LRRTM4: variants seen among roughly 807,000 people sequenced by gnomAD.
LRRTM4 encodes leucine rich repeat transmembrane neuronal 4.
LRRTM4 carries 25 observed loss-of-function variants against 47.6 expected under a neutral mutation model. That is an observed-to-expected ratio of 0.53 (90% CI 0.38 to 0.73). The LOEUF (loss-of-function observed/expected upper bound fraction) is 0.73. Ranked by LOEUF, LRRTM4 falls within the 30% of genes least tolerant of loss-of-function variation. The probability of loss-of-function intolerance (pLI) is 0.00; values close to 1 mark genes in which losing one functional copy is unlikely to be tolerated. For synonymous variants in LRRTM4, 311 were observed against 269.5 expected, an observed-to-expected ratio of 1.15 and a Z score of -1.51; for missense variants, 638 against 713.4, an observed-to-expected ratio of 0.89 and a Z score of 1.20.
chr2:76,780,149 T>C (rs1377189318), intron 3 of LRRTM4, among the ~76,000 whole-genome samples: 1 of 152,212 alleles, frequency 6.6e-6, no homozygotes, highest in African/African-American at 2.4e-5. Context: ...TCTGATGGGC[T>C]TCCCTTTGAG....
chr2:76,868,998 T>C (rs13398751), intron 3 of LRRTM4, among the ~76,000 whole-genome samples: 25,450 of 151,918 alleles, frequency 0.17, 2,767 homozygotes, highest in East Asian at 0.48. Flanking sequence ...TCTGGGGTTT[T>C]GTGTTTTAAA....
chr2:77,498,233 T>C (rs10193069), intron 3 of LRRTM4, among the ~76,000 whole-genome samples: 6,497 of 151,876 alleles, frequency 0.043, 478 homozygotes, highest in African/African-American at 0.15. Flanking sequence ...TTTAACCATA[T>C]CTCTCCCATA....
chr2:76,956,106 A>T (rs77818076), intron 3 of LRRTM4, among the ~76,000 whole-genome samples: 1 of 151,650 alleles, frequency 6.6e-6, no homozygotes, highest in Non-Finnish European at 1.5e-5. Context: ...AACACACATT[A>T]GTCAAAAGTG....
At chr2:76,910,642 G>T (rs934357937) in intron 3 of LRRTM4, among the ~76,000 whole-genome samples, 2 of 151,924 alleles carry the variant, frequency 1.3e-5, no homozygotes, top group African/African-American at 2.4e-5. Context: ...TTTTATTCAC[G>T]ACCATAAATA....
At chr2:76,786,580 C>A (rs1674685901) in intron 3 of LRRTM4, among the ~76,000 whole-genome samples, 1 of 151,928 alleles carries the variant, frequency 6.6e-6, no homozygotes, top group South Asian at 2.1e-4. Context: ...CCTACATTAA[C>A]AAACAGAGGA....
intron 3 of LRRTM4, among the ~76,000 whole-genome samples, chr2:77,108,846 G>A (rs1671173361): frequency 6.6e-6 from 1 of 151,908 alleles, no homozygotes; most frequent in Admixed American, 6.6e-5. Flanking sequence ...GCCTCCCAAA[G>A]TGACAAACAT....
At chr2:77,279,233 C>G (rs573116366) in intron 3 of LRRTM4, among the ~76,000 whole-genome samples, 5 of 151,964 alleles carry the variant, frequency 3.3e-5, no homozygotes, top group Non-Finnish European at 7.4e-5. Flanking sequence ...TTTCCGTGGA[C>G]CTACTAAATA....
chr2:77,255,844 T>C (rs1486105576), intron 3 of LRRTM4, among the ~76,000 whole-genome samples: 1 of 151,928 alleles, frequency 6.6e-6, no homozygotes, highest in Non-Finnish European at 1.5e-5. Flanking sequence ...GCAATCTAAA[T>C]TCCCACATTA....
intron 3 of LRRTM4, among the ~76,000 whole-genome samples, chr2:76,897,099 T>A (rs1673441701): frequency 6.6e-6 from 1 of 152,076 alleles, no homozygotes; most frequent in South Asian, 2.1e-4. Context: ...ACAATTCTGC[T>A]GTCAATGCTC....
At chr2:76,775,747 C>T (rs1252145483) in intron 3 of LRRTM4, among the ~76,000 whole-genome samples, 1 of 151,084 alleles carries the variant, frequency 6.6e-6, no homozygotes, top group East Asian at 1.9e-4. Context: ...ATTTCTCTCT[C>T]TTTTTTTTAA....
At chr2:77,441,584 A>G (rs778093957) in intron 3 of LRRTM4, among the ~76,000 whole-genome samples, 1 of 152,202 alleles carries the variant, frequency 6.6e-6, no homozygotes, top group African/African-American at 2.4e-5. Flanking sequence ...GATGGAGATA[A>G]TAAGCTTATC....
intron 3 of LRRTM4, among the ~76,000 whole-genome samples, chr2:76,782,654 T>G (rs1674465430): frequency 6.6e-6 from 1 of 152,174 alleles, no homozygotes; most frequent in Admixed American, 6.5e-5. Context: ...TTGCTTACAT[T>G]TTGATACCTG....
At chr2:77,346,051 T>G (rs1242112946) in intron 3 of LRRTM4, among the ~76,000 whole-genome samples, 1 of 151,998 alleles carries the variant, frequency 6.6e-6, no homozygotes, top group Non-Finnish European at 1.5e-5. Context: ...CTATAGGTAC[T>G]TGCGTCACCC....
At chr2:77,366,566 T>G (rs1398644717) in intron 3 of LRRTM4, among the ~76,000 whole-genome samples, 1 of 151,830 alleles carries the variant, frequency 6.6e-6, no homozygotes, top group Non-Finnish European at 1.5e-5. Context: ...TTATATTAAC[T>G]TTCTTATATC....
At chr2:77,321,551 GA>G (rs1263211717) in intron 3 of LRRTM4, among the ~76,000 whole-genome samples, 14 of 85,382 alleles carry the variant, frequency 1.6e-4, no homozygotes, top group South Asian at 5.1e-4. Context: ...CTAAATCGGG[GA>G]GGGGGGGGGG....
intron 3 of LRRTM4, among the ~76,000 whole-genome samples, chr2:77,066,304 G>A (rs1367487434): frequency 2.0e-5 from 3 of 152,150 alleles, no homozygotes; most frequent in Admixed American, 6.5e-5. Context: ...TACTGAGTCT[G>A]TTGTATTAAG....
At chr2:77,218,099 A>C (rs1674510306) in intron 3 of LRRTM4, among the ~76,000 whole-genome samples, 1 of 152,130 alleles carries the variant, frequency 6.6e-6, no homozygotes. Flanking sequence ...GGTTCAAACA[A>C]TTCTTCTGCC....
intron 3 of LRRTM4, among the ~76,000 whole-genome samples, chr2:77,117,517 C>CT (rs139060214): frequency 0.042 from 6,353 of 151,280 alleles, 414 homozygotes; most frequent in African/African-American, 0.14. Flanking sequence ...TCTTACTTTT[C>CT]TTTTTTTTCC....
intron 3 of LRRTM4, among the ~76,000 whole-genome samples, chr2:76,901,920 T>C (rs1673651146): frequency 6.6e-6 from 1 of 152,202 alleles, no homozygotes; most frequent in African/African-American, 2.4e-5. Flanking sequence ...AAATTCCATA[T>C]ATAATCTTAA....
Sources: allele counts gnomAD v4.1 joint callset (sites outside exome capture counted in the v4.1 genomes callset), GRCh38; gene constraint gnomAD v4.1.1; transcripts MANE v1.5; gene names NCBI Gene and HGNC (gene_info 2026-07-23, HGNC 2026-07-21).